Variants in POU6F2 observed in about 807,000 individuals in gnomAD.
POU6F2 encodes the protein POU domain, class 6, transcription factor 2.
POU6F2 carries 31 observed loss-of-function variants against 71.3 expected under a neutral mutation model. That is an observed-to-expected ratio of 0.43 (90% CI 0.33 to 0.59). The LOEUF is 0.59. Ranked by LOEUF, POU6F2 falls within the 20% of genes least tolerant of loss-of-function variation. The probability of loss-of-function intolerance (pLI) is 0.04; values close to 1 mark genes in which losing one functional copy is unlikely to be tolerated. For synonymous variants in POU6F2, 347 were observed against 355.7 expected, an observed-to-expected ratio of 0.98 and a Z score of 0.27; for missense variants, 783 against 856.8, an observed-to-expected ratio of 0.91 and a Z score of 1.07.
intron 2 of POU6F2, among the ~76,000 whole-genome samples, chr7:39,197,418 C>T (rs1413158479): frequency 6.6e-6 from 1 of 152,246 alleles, no homozygotes; most frequent in Non-Finnish European, 1.5e-5. Flanking sequence ...AGCCGCAGGC[C>T]AGGACCTGCG....
intron 2 of POU6F2, among the ~76,000 whole-genome samples, chr7:39,184,066 C>A (rs1793486919): frequency 6.6e-6 from 1 of 152,070 alleles, no homozygotes; most frequent in Admixed American, 6.6e-5. Flanking sequence ...CCTAAGAGGC[C>A]CAGTTCTGTT....
At chr7:39,446,246 G>A (rs1324394806) in intron 7 of POU6F2, among the ~76,000 whole-genome samples, 1 of 152,212 alleles carries the variant, frequency 6.6e-6, no homozygotes, top group Non-Finnish European at 1.5e-5. Context: ...GGTTCAGCCT[G>A]GGGTTCACTA....
At chr7:39,302,575 T>C (rs1050790350) in intron 4 of POU6F2, among the ~76,000 whole-genome samples, 2 of 152,242 alleles carry the variant, frequency 1.3e-5, no homozygotes, top group Admixed American at 1.3e-4. Flanking sequence ...CTATGTCTTA[T>C]CATTGCTTGG....
At chr7:39,087,143 TATTAATTA>T (rs61339985) in intron 2 of POU6F2, among the ~76,000 whole-genome samples, 146 of 89,378 alleles carry the variant, frequency 1.6e-3, no homozygotes, top group African/African-American at 3.0e-3. Context: ...ACACAGGCTT[TATTAATTA>T]ATTAATTAAT....
chr7:39,309,686 T>C (rs942270684), intron 4 of POU6F2, among the ~76,000 whole-genome samples: 10 of 152,240 alleles, frequency 6.6e-5, no homozygotes, highest in African/African-American at 2.4e-4. Flanking sequence ...CTTGTCATTT[T>C]TACAAGGTTA....
At chr7:39,145,687 A>C (rs1792606321) in intron 2 of POU6F2, among the ~76,000 whole-genome samples, 2 of 152,150 alleles carry the variant, frequency 1.3e-5, no homozygotes. Flanking sequence ...GAACAGCTCC[A>C]GTGGAAAGGT....
At chr7:39,298,688 A>G (rs964926132) in intron 4 of POU6F2, among the ~76,000 whole-genome samples, 2 of 152,226 alleles carry the variant, frequency 1.3e-5, no homozygotes, top group African/African-American at 4.8e-5. Context: ...TTATTCTACT[A>G]TAAAGACACA....
rs529461305 is a variant in POU6F2 at position 39,124,711 on chromosome 7, G to A, written c.277+38680G>A. Among the ~76,000 whole-genome samples the A allele has an allele frequency of 5.9e-5, 9 of 152,138 alleles. No homozygotes were observed. The East Asian group carries it at 7.7e-4, about 13-fold the overall frequency. On this transcript the variant is annotated intron_variant, in intron 2 of 9. Transcript: ENST00000518318. ...TCTTGCCACAAAACAACCACGTTTC[G>A]GGGACACAAATTATGTGCCCCACAG...
At chr7:39,170,952 T>C (rs1459539858) in intron 2 of POU6F2, among the ~76,000 whole-genome samples, 1 of 148,078 alleles carries the variant, frequency 6.8e-6, no homozygotes, top group Non-Finnish European at 1.5e-5. Flanking sequence ...TATGTACAAC[T>C]ATATCAATAA....
chr7:39,433,358 A>G, intron 7 of POU6F2, 75 bp downstream of exon 7: 1 of 1,512,128 alleles, frequency 6.6e-7, no homozygotes, highest in Non-Finnish European at 9.1e-7. Context: ...GGTCTCAATC[A>G]ATGAAAAGTA....
intron 4 of POU6F2, among the ~76,000 whole-genome samples, chr7:39,311,451 TTCTG>T (rs1423629333): frequency 3.9e-5 from 6 of 152,236 alleles, no homozygotes; most frequent in African/African-American, 1.4e-4. Context: ...ATTATTTACT[TTCTG>T]TCTTCCTCCG....
chr7:39,353,400 A>G (rs1234355331), intron 5 of POU6F2, among the ~76,000 whole-genome samples: 1 of 152,272 alleles, frequency 6.6e-6, no homozygotes, highest in Non-Finnish European at 1.5e-5. Flanking sequence ...ACTATTATGT[A>G]CATGTGAACG....
intron 7 of POU6F2, among the ~76,000 whole-genome samples, chr7:39,437,465 A>G (rs1788275267): frequency 6.6e-6 from 1 of 152,044 alleles, no homozygotes; most frequent in Non-Finnish European, 1.5e-5. Flanking sequence ...ATCAGTGGTG[A>G]TATCCCCTTT....
At chr7:39,291,827 G>A (rs1251792985) in intron 4 of POU6F2, among the ~76,000 whole-genome samples, 7 of 152,130 alleles carry the variant, frequency 4.6e-5, no homozygotes, top group African/African-American at 1.7e-4. Context: ...TTCAGCTGAC[G>A]AATGAGCGGA....
chr7:39,163,298 G>A (rs2128737057), intron 2 of POU6F2, among the ~76,000 whole-genome samples: 1 of 152,324 alleles, frequency 6.6e-6, no homozygotes, highest in East Asian at 1.9e-4. Context: ...CTCTAGTGGA[G>A]CTAAGAAGCT....
At chr7:39,280,881 A>G (rs1454962671) in intron 4 of POU6F2, among the ~76,000 whole-genome samples, 3 of 152,256 alleles carry the variant, frequency 2.0e-5, no homozygotes, top group Non-Finnish European at 4.4e-5. Flanking sequence ...CTAAAAAGTG[A>G]TGATGCTCAC....
At chr7:39,270,247 G>A (rs1784317992) in intron 4 of POU6F2, among the ~76,000 whole-genome samples, 1 of 152,182 alleles carries the variant, frequency 6.6e-6, no homozygotes, top group Non-Finnish European at 1.5e-5. Context: ...AATAATGCCT[G>A]TCTTTAAGAG....
intron 2 of POU6F2, among the ~76,000 whole-genome samples, chr7:39,151,695 T>A (rs546105717): frequency 2.6e-5 from 4 of 152,170 alleles, no homozygotes; most frequent in African/African-American, 7.2e-5. Flanking sequence ...TCTGAAATGA[T>A]TAGATTCATT....
intron 5 of POU6F2, among the ~76,000 whole-genome samples, chr7:39,382,628 G>A (rs994751570): frequency 2.6e-5 from 4 of 152,196 alleles, no homozygotes; most frequent in Non-Finnish European, 4.4e-5. Context: ...ATTAAAGGTT[G>A]GAGGAGGCTG....
Sources: gnomAD v4.1 joint callset for allele counts (sites outside exome capture counted in the v4.1 genomes callset) on GRCh38, gnomAD v4.1.1 for gene constraint, MANE v1.5 for transcripts, NCBI Gene and HGNC (gene_info 2026-07-23, HGNC 2026-07-21) for gene names.